RCOR3: variants seen among roughly 807,000 people sequenced by gnomAD.
RCOR3 encodes REST corepressor 3.
RCOR3 carries 13 observed loss-of-function variants against 64.1 expected under a neutral mutation model. The ratio of observed to expected loss-of-function variants is 0.20; its 90% confidence interval spans 0.13 to 0.32. RCOR3 has a LOEUF of 0.32. Among genes scored for constraint, RCOR3 ranks in the 10% least tolerant of loss-of-function variants. The pLI is 1.00. For synonymous variants in RCOR3, 215 were observed against 239.0 expected (o/e 0.90, Z 0.93); for missense variants, 489 against 701.2 (o/e 0.70, Z 3.42).
intron 7 of RCOR3, among the ~76,000 whole-genome samples, chr1:211,281,467 C>T (rs959824282): frequency 1.4e-4 from 21 of 152,122 alleles, no homozygotes; most frequent in Non-Finnish European, 2.5e-4. Context: ...CCAGGTTCTC[C>T]ACACCACCCT....
At chr1:211,264,859 A>C (rs1694925570) in intron 2 of RCOR3, among the ~76,000 whole-genome samples, 1 of 152,194 alleles carries the variant, frequency 6.6e-6, no homozygotes, top group Admixed American at 6.5e-5. Context: ...TGTTCACTAG[A>C]TCTTCCCAAC....
chr1:211,269,760 G>C (rs190103904), intron 2 of RCOR3, among the ~76,000 whole-genome samples: 1,831 of 151,386 alleles, frequency 0.012, 13 homozygotes, highest in Middle Eastern at 0.071. Flanking sequence ...CTTCATTCAT[G>C]CTATTGTTTC....
intron 9 of RCOR3, among the ~76,000 whole-genome samples, chr1:211,300,775 C>G (rs756981140): frequency 1.3e-5 from 2 of 152,164 alleles, no homozygotes; most frequent in Non-Finnish European, 2.9e-5. Context: ...GCTTACACTC[C>G]GTTTATTGAA....
chr1:211,264,421 A>T (rs1447408855), intron 2 of RCOR3, among the ~76,000 whole-genome samples: 2 of 152,196 alleles, frequency 1.3e-5, no homozygotes, highest in Non-Finnish European at 2.9e-5. Context: ...ATAGCTCATG[A>T]GTATAATCCC....
chr1:211,292,810 G>C (rs542636781), intron 8 of RCOR3, among the ~76,000 whole-genome samples: 1 of 152,074 alleles, frequency 6.6e-6, no homozygotes, highest in African/African-American at 2.4e-5. Context: ...TCTTGGCCGG[G>C]TGCAGTGGCT....
rs1388062756 is a variant in RCOR3 at position 211,314,162 on chromosome 1, A to T, written c.*394A>T. ...GAATATTGACTTAGGAATTGTGAAA[A>T]CTCCTTAAGTTTCTTAAGTTAAGGA... On this transcript the variant is annotated 3_prime_UTR_variant, in exon 12 of 12. Coordinates refer to ENST00000419091, the MANE Select transcript of RCOR3 (RefSeq NM_001136223.3). 2 of 156,778 alleles carry T rather than the reference A, an allele frequency of 1.3e-5. No individual in the cohort carries two copies. The highest frequency in any genetic ancestry group is 2.8e-5 in the Non-Finnish European group (2 of 71,606). The allele number at this position is 156,778 out of a possible 1,614,324, so 9.7% of individuals were successfully genotyped here.
chr1:211,308,698 T>TTTTTG (rs1701171863), intron 10 of RCOR3, among the ~76,000 whole-genome samples: 6 of 40,874 alleles, frequency 1.5e-4, no homozygotes, highest in African/African-American at 4.1e-4. Flanking sequence ...TTTTTTTTTT[T>TTTTTG]TGTGTAGTCC....
chr1:211,260,581 G>A (rs1000794613), intron 2 of RCOR3, among the ~76,000 whole-genome samples: 1 of 152,260 alleles, frequency 6.6e-6, no homozygotes, highest in Admixed American at 6.5e-5. Flanking sequence ...GCTCTGTCGG[G>A]CGGGTGGCAG....
At chr1:211,301,104 T>G (rs191003379) in intron 9 of RCOR3, among the ~76,000 whole-genome samples, 19 of 152,214 alleles carry the variant, frequency 1.2e-4, no homozygotes, top group Admixed American at 3.9e-4. Flanking sequence ...AAAAAAAAAT[T>G]TAAAAAATAA....
intron 2 of RCOR3, among the ~76,000 whole-genome samples, chr1:211,264,885 A>T (rs1386111269): frequency 6.6e-6 from 1 of 152,178 alleles, no homozygotes; most frequent in Non-Finnish European, 1.5e-5. Context: ...TTTAGTGCCT[A>T]CTAACTGTAC....
intron 9 of RCOR3, 147 bp downstream of exon 9, chr1:211,295,900 T>C (rs2102607928): frequency 1.7e-6 from 1 of 594,524 alleles, no homozygotes; most frequent in Non-Finnish European, 3.0e-6. Context: ...TCTTTTTATT[T>C]AGATGATCTT....
chr1:211,278,742 T>A (rs573469274), intron 6 of RCOR3, among the ~76,000 whole-genome samples: 17 of 152,316 alleles, frequency 1.1e-4, no homozygotes, highest in Non-Finnish European at 2.5e-4. Flanking sequence ...AAGAATTCTG[T>A]ATACCCAATG....
At chr1:211,276,847 G>A (rs995321380) in intron 5 of RCOR3, among the ~76,000 whole-genome samples, 15 of 152,018 alleles carry the variant, frequency 9.9e-5, no homozygotes, top group Non-Finnish European at 2.1e-4. Flanking sequence ...AGCACTTTGG[G>A]AGGCCGAGGC....
rs780896956 is a variant in RCOR3, at chr1:211,308,661, G to GT, written c.1076-4048dup. Among the ~76,000 whole-genome samples, 186 of 27,368 alleles carry GT rather than the reference G, an allele frequency of 6.8e-3. 1 individual carries two copies. The highest frequency in any genetic ancestry group is 0.011 in the African/African-American group (99 of 9,050). 18.0% of individuals were successfully genotyped at this position (27,368 alleles called of 152,430 possible). On this transcript the variant is annotated intron_variant, in intron 10 of 11. Transcript: ENST00000419091. Reference sequence around the variant, plus strand: ...TTACCATGTTTCGTCTTTTGGATGTGTTTTTTTTTTTGTTTTTTTTTTGTT... The same window carrying GT: ...TTACCATGTTTCGTCTTTTGGATGTGTTTTTTTTTTTTGTTTTTTTTTTGTT...
chr1:211,302,942 A>G (rs1469603435), intron 9 of RCOR3: 1 of 151,902 alleles, frequency 6.6e-6, no homozygotes, highest in Non-Finnish European at 1.5e-5. Context: ...TTTCTTTTTT[A>G]ACTTTTTTAG....
In RCOR3 at chr1:211,259,638, A is replaced by AGGCGGC. The variant is rs990859073; in HGVS notation, c.85_90dup (p.Gly29_Gly30dup). The AGGCGGC allele has an allele frequency of 5.8e-6, 9 of 1,546,028 alleles. No homozygotes were observed. Among genetic ancestry groups the AGGCGGC allele is most frequent in the Admixed American group, 2.0e-5 (1 of 50,720 alleles). On this transcript the variant is annotated inframe_insertion, in exon 1 of 12. Coordinates refer to ENST00000419091, the MANE Select transcript of RCOR3 (RefSeq NM_001136223.3). ...CCAACGGCAGCGCCAAGAGCCCGGC[A>AGGCGGC]GGCGGCGGCGGCAGCGGCGCCTCGT...
Position 211,304,087 on chromosome 1 carries a change from A to G in RCOR3, c.1022A>G (p.Asn341Ser), listed in dbSNP as rs1457098943. The stretch of plus-strand genomic sequence containing the variant: ...AACTTCTCTTTAATTTTGTAGTCAA[A>G]TCAGAAAATTAATGCCCGTTGGACC... ...GIEEFKPPES[N>S]QKINARWTTE... is the part of the protein sequence containing the mutation. Residue 341 changes from asparagine (N) to serine (S), a missense_variant, in exon 10 of 12, where the codon AAT becomes AGT. Asn to Ser is a conservative substitution (Grantham distance 46). Coordinates refer to ENST00000419091, the MANE Select transcript of RCOR3 (RefSeq NM_001136223.3). 6.2e-7 allele frequency: 1 copy of G among 1,601,944 alleles called. No homozygotes were observed. The highest frequency in any genetic ancestry group is 2.2e-5 in the East Asian group (1 of 44,528).
At chr1:211,281,048 C>G (rs1472646324) in intron 7 of RCOR3, among the ~76,000 whole-genome samples, 1 of 151,358 alleles carries the variant, frequency 6.6e-6, no homozygotes, top group African/African-American at 2.4e-5. Flanking sequence ...CTTCTTAGCA[C>G]TACGTCACTT....
chr1:211,277,698 G>A (rs572449729), intron 5 of RCOR3, among the ~76,000 whole-genome samples: 1 of 152,230 alleles, frequency 6.6e-6, no homozygotes, highest in East Asian at 1.9e-4. Flanking sequence ...AATGGGTACC[G>A]GATTTCTTTT....
Sources: allele counts gnomAD v4.1 joint callset (sites outside exome capture counted in the v4.1 genomes callset), GRCh38; gene constraint gnomAD v4.1.1; transcripts MANE v1.5; gene names NCBI Gene and HGNC (gene_info 2026-07-23, HGNC 2026-07-21).